Variants in CCSER1 observed in about 807,000 individuals in gnomAD.
The protein encoded by CCSER1 is coiled-coil serine rich protein 1.
In CCSER1, 41 loss-of-function variants were observed where a neutral mutation model predicts 82.0. That is an observed-to-expected ratio of 0.50 (90% CI 0.39 to 0.65). CCSER1 has a LOEUF of 0.65. CCSER1 is among the 30% of genes least tolerant of loss of function. CCSER1 has a pLI of 0.00. For missense variants in CCSER1, 1,119 were observed against 1,064.2 expected, an observed-to-expected ratio of 1.05 and a Z score of -0.72; for synonymous variants, 414 against 383.9, an observed-to-expected ratio of 1.08 and a Z score of -0.92.
At chr4:91,574,581 T>C (rs1763349672) in intron 10 of CCSER1, among the ~76,000 whole-genome samples, 1 of 152,110 alleles carries the variant, frequency 6.6e-6, no homozygotes, top group Admixed American at 6.6e-5. Flanking sequence ...AATGAGATTA[T>C]GTCATTTGCA....
intron 9 of CCSER1, among the ~76,000 whole-genome samples, chr4:91,010,263 T>G (rs561713938): frequency 6.6e-6 from 1 of 152,356 alleles, no homozygotes; most frequent in Non-Finnish European, 1.5e-5. Flanking sequence ...GAGTTTCTGC[T>G]GAAAAATCCA....
At chr4:91,052,129 T>A (rs938723458) in intron 9 of CCSER1, among the ~76,000 whole-genome samples, 1 of 152,098 alleles carries the variant, frequency 6.6e-6, no homozygotes, top group Non-Finnish European at 1.5e-5. Context: ...ATGCCTTTTT[T>A]ACATACATTG....
chr4:90,985,354 AT>A (rs568587757), intron 9 of CCSER1, among the ~76,000 whole-genome samples: 30 of 148,896 alleles, frequency 2.0e-4, no homozygotes, highest in Admixed American at 1.5e-3. Flanking sequence ...AAGCCATCAG[AT>A]TTTTTTTTTC....
chr4:91,214,404 T>C (rs936335785), intron 10 of CCSER1, among the ~76,000 whole-genome samples: 1 of 152,196 alleles, frequency 6.6e-6, no homozygotes, highest in African/African-American at 2.4e-5. Context: ...CTTTTGCCCA[T>C]AAAGAGACCA....
At chr4:90,531,396 C>CTTTTTTTTTTTTTTTT (rs77768534) in intron 5 of CCSER1, among the ~76,000 whole-genome samples, 1 of 130,202 alleles carries the variant, frequency 7.7e-6, no homozygotes, top group Non-Finnish European at 1.7e-5. Context: ...CTGCAGGTTT[C>CTTTTTTTTTTTTTTTT]TTTTTTTTTT....
At chr4:90,707,385 C>T (rs977569309) in intron 6 of CCSER1, among the ~76,000 whole-genome samples, 8 of 151,960 alleles carry the variant, frequency 5.3e-5, no homozygotes, top group Admixed American at 3.3e-4. Flanking sequence ...CAAATGTGTA[C>T]ATGTGTACCT....
chr4:91,526,683 C>A (rs1404058059), intron 10 of CCSER1, among the ~76,000 whole-genome samples: 2 of 152,156 alleles, frequency 1.3e-5, no homozygotes, highest in Admixed American at 6.6e-5. Context: ...TGGCTCACTG[C>A]AACCTCTGCC....
intron 7 of CCSER1, among the ~76,000 whole-genome samples, chr4:90,792,778 A>G (rs571293216): frequency 1.3e-5 from 2 of 152,344 alleles, no homozygotes; most frequent in South Asian, 2.1e-4. Context: ...AAGGTGGGCA[A>G]TGCCTAGTTG....
intron 10 of CCSER1, among the ~76,000 whole-genome samples, chr4:91,567,860 A>G (rs2110274203): frequency 6.6e-6 from 1 of 152,268 alleles, no homozygotes. Flanking sequence ...TAGCCCATTT[A>G]CACTCAAGGT....
intron 5 of CCSER1, among the ~76,000 whole-genome samples, chr4:90,487,233 T>G (rs1189243114): frequency 6.6e-6 from 1 of 152,212 alleles, no homozygotes; most frequent in Non-Finnish European, 1.5e-5. Flanking sequence ...TTAATACCTC[T>G]TTACAGGATA....
intron 10 of CCSER1, among the ~76,000 whole-genome samples, chr4:91,517,215 C>G (rs1760176069): frequency 6.6e-6 from 1 of 152,072 alleles, no homozygotes; most frequent in African/African-American, 2.4e-5. Context: ...ATTGCTCTGG[C>G]TAGAAATTCC....
intron 10 of CCSER1, among the ~76,000 whole-genome samples, chr4:91,581,919 T>C (rs1272484921): frequency 6.6e-6 from 1 of 151,646 alleles, no homozygotes; most frequent in Non-Finnish European, 1.5e-5. Flanking sequence ...TGAGAACCAC[T>C]GATTTACCGT....
At chr4:90,838,570 T>C (rs1253654412) in intron 8 of CCSER1, among the ~76,000 whole-genome samples, 1 of 148,594 alleles carries the variant, frequency 6.7e-6, no homozygotes, top group Non-Finnish European at 1.5e-5. Flanking sequence ...AAAAAAAAAA[T>C]GGCACTCTGA....
chr4:90,984,828 ACAGT>A (rs1280485761), intron 9 of CCSER1, among the ~76,000 whole-genome samples: 2 of 151,854 alleles, frequency 1.3e-5, no homozygotes, highest in Admixed American at 1.3e-4. Context: ...TAGTCTGTAC[ACAGT>A]CAGACTTAGT....
chr4:91,130,582 T>C (rs148501313), intron 10 of CCSER1, among the ~76,000 whole-genome samples: 3 of 152,018 alleles, frequency 2.0e-5, no homozygotes, highest in African/African-American at 7.2e-5. Flanking sequence ...ATATTTTATG[T>C]AATGAAAAGT....
intron 9 of CCSER1, among the ~76,000 whole-genome samples, chr4:91,078,006 C>T (rs1340200252): frequency 1.3e-5 from 2 of 152,214 alleles, no homozygotes; most frequent in Non-Finnish European, 2.9e-5. Context: ...GTAGACTCCA[C>T]CTCTAGGGGC....
chr4:91,069,743 A>G (rs1350200787), intron 9 of CCSER1, among the ~76,000 whole-genome samples: 1 of 152,188 alleles, frequency 6.6e-6, no homozygotes, highest in Non-Finnish European at 1.5e-5. Context: ...CCTTTGACAC[A>G]GGAAATTTAA....
chr4:90,671,988 T>G (rs569648287), intron 6 of CCSER1, among the ~76,000 whole-genome samples: 1 of 152,044 alleles, frequency 6.6e-6, no homozygotes, highest in African/African-American at 2.4e-5. Context: ...TTCTAAGGAG[T>G]AGGTCTCAAC....
intron 10 of CCSER1, among the ~76,000 whole-genome samples, chr4:91,532,892 C>G (rs555288070): frequency 1.4e-3 from 215 of 151,662 alleles, no homozygotes; most frequent in African/African-American, 4.9e-3. Context: ...AAAAGTTATG[C>G]TTTCCAAGAG....
Sources: allele counts gnomAD v4.1 joint callset (sites outside exome capture counted in the v4.1 genomes callset), GRCh38; gene constraint gnomAD v4.1.1; transcripts MANE v1.5; gene names NCBI Gene and HGNC (gene_info 2026-07-23, HGNC 2026-07-21).